The following NNMT variants were observed in gnomAD, a reference collection of about 807,000 sequenced individuals.
NNMT encodes the protein nicotinamide N-methyltransferase.
NNMT carries 10 observed loss-of-function variants against 11.7 expected under a neutral mutation model. That is an observed-to-expected ratio of 0.85 (90% CI 0.53 to 1.45). NNMT has a LOEUF of 1.45. Ranked by LOEUF, NNMT falls within the 40% of genes most tolerant of loss-of-function variation. The pLI is 0.00. For synonymous variants in NNMT, 143 were observed against 133.8 expected, an observed-to-expected ratio of 1.07 and a Z score of -0.48; for missense variants, 381 against 319.4, an observed-to-expected ratio of 1.19 and a Z score of -1.47.
chr11:114,259,154 T>G (rs897240719), intron 1 of NNMT, among the ~76,000 whole-genome samples: 1 of 152,166 alleles, frequency 6.6e-6, no homozygotes, highest in Non-Finnish European at 1.5e-5. Flanking sequence ...TGGCACATGA[T>G]AGGCACCCGG....
intron 2 of NNMT, among the ~76,000 whole-genome samples, chr11:114,264,694 C>T (rs972545623): frequency 2.6e-4 from 39 of 152,196 alleles, no homozygotes; most frequent in African/African-American, 8.4e-4. Flanking sequence ...TTGTTTGATC[C>T]GTGCTTCTGA....
At chr11:114,294,218 C>T (rs1945354508), upstream of NNMT, among the ~76,000 whole-genome samples, 1 of 152,092 alleles carries the variant, frequency 6.6e-6, no homozygotes, top group Non-Finnish European at 1.5e-5. Context: ...CGCAGTGGCT[C>T]ACGCCTGTAA....
chr11:114,258,550 A>G (rs1266124657), intron 1 of NNMT, among the ~76,000 whole-genome samples: 1 of 152,222 alleles, frequency 6.6e-6, no homozygotes, highest in Non-Finnish European at 1.5e-5. Flanking sequence ...GGATCTGAAG[A>G]TGACTGGCCT....
At chr11:114,258,997 G>A (rs1945052819) in intron 1 of NNMT, among the ~76,000 whole-genome samples, 1 of 152,152 alleles carries the variant, frequency 6.6e-6, no homozygotes, top group Admixed American at 6.5e-5. Flanking sequence ...GCCTTCCCTG[G>A]ACCCCTGAAG....
upstream of NNMT, chr11:114,296,375 A>G (rs1945377868): frequency 5.0e-6 from 3 of 605,732 alleles, no homozygotes; most frequent in Non-Finnish European, 2.8e-6. Flanking sequence ...AACAGCCAGA[A>G]CATTTGTGGT....
rs1285713350 is a variant in NNMT, at chr11:114,313,356, C to T, written c.*879C>T. ...ATTAGCTAGGTGTGGCGGCATATGC[C>T]TGTGGTCCCAGCTACTCAGGAGGCT... is the stretch of plus-strand genomic sequence containing the variant. On this transcript the variant is annotated 3_prime_UTR_variant, in exon 3 of 3. Transcript: ENST00000299964. 1 of 152,120 alleles carries T rather than the reference C, an allele frequency of 6.6e-6. No homozygotes were observed. Among genetic ancestry groups the T allele is most frequent in the Non-Finnish European group, 1.5e-5 (1 of 68,060 alleles). The allele number at this position is 152,120 out of a possible 1,614,324, so 9.4% of individuals were successfully genotyped here.
chr11:114,292,269 G>T (rs534541751), upstream of NNMT, among the ~76,000 whole-genome samples: 70 of 152,288 alleles, frequency 4.6e-4, no homozygotes, highest in South Asian at 0.014. Flanking sequence ...TTCAGGAAAA[G>T]GGTGTATCTT....
At chr11:114,296,967 A>G (rs751726841) in intron 1 of NNMT, among the ~76,000 whole-genome samples, 17 of 152,242 alleles carry the variant, frequency 1.1e-4, no homozygotes, top group Non-Finnish European at 1.8e-4. Context: ...TTGATTTGCT[A>G]GGCGACTTGA....
chr11:114,284,758 G>A (rs548884203), intron 2 of NNMT, among the ~76,000 whole-genome samples: 7 of 137,768 alleles, frequency 5.1e-5, no homozygotes, highest in East Asian at 2.1e-4. Flanking sequence ...CACTGCACCC[G>A]GCCATCTTTT....
At chr11:114,271,814 A>G (rs1051573821) in intron 2 of NNMT, among the ~76,000 whole-genome samples, 5 of 152,190 alleles carry the variant, frequency 3.3e-5, no homozygotes, top group African/African-American at 9.6e-5. Flanking sequence ...GGGGGTTCAC[A>G]GGAGATTTTG....
At chr11:114,261,467 C>T (rs1945080029) in intron 1 of NNMT, among the ~76,000 whole-genome samples, 1 of 152,116 alleles carries the variant, frequency 6.6e-6, no homozygotes, top group African/African-American at 2.4e-5. Flanking sequence ...GCCTGTAATC[C>T]CAGCTACTCG....
intron 2 of NNMT, among the ~76,000 whole-genome samples, chr11:114,267,287 A>G (rs1945129341): frequency 6.6e-6 from 1 of 152,146 alleles, no homozygotes; most frequent in Admixed American, 6.5e-5. Context: ...AAACAAATAA[A>G]TAAAAATCAA....
chr11:114,281,852 C>T (rs1341837133), intron 2 of NNMT, among the ~76,000 whole-genome samples: 1 of 152,126 alleles, frequency 6.6e-6, no homozygotes. Flanking sequence ...GGGAAATTAG[C>T]TTTCTGGCAG....
At chr11:114,301,681 T>A (rs948633684) in intron 2 of NNMT, among the ~76,000 whole-genome samples, 2 of 151,978 alleles carry the variant, frequency 1.3e-5, no homozygotes, top group African/African-American at 4.8e-5. Context: ...TACAGTACTA[T>A]AATGGTGGAC....
Position 114,296,492 on chromosome 11 carries a change from C to T in NNMT, c.-65C>T. The T allele has an allele frequency of 6.4e-7, 1 of 1,556,036 alleles. No homozygotes were observed. The highest frequency in any genetic ancestry group is 1.2e-5 in the South Asian group (1 of 85,582). ...CTCAGGAAGACAACTTCTGCAGGGTCACTCCCTGGCTTCTGGAGGAAAGAG... is the reference window on the plus strand; with the variant it reads ...CTCAGGAAGACAACTTCTGCAGGGTTACTCCCTGGCTTCTGGAGGAAAGAG... On this transcript the variant is annotated 5_prime_UTR_variant, in exon 1 of 3. Transcript: ENST00000299964.
intron 2 of NNMT, among the ~76,000 whole-genome samples, chr11:114,282,270 A>G (rs974629668): frequency 1.8e-4 from 27 of 152,198 alleles, no homozygotes; most frequent in African/African-American, 5.6e-4. Context: ...AAATACAAAA[A>G]CAATAAAAAA....
At chr11:114,275,428 C>A (rs1945206741) in intron 2 of NNMT, among the ~76,000 whole-genome samples, 1 of 152,162 alleles carries the variant, frequency 6.6e-6, no homozygotes, top group Admixed American at 6.5e-5. Context: ...AAGTCATGGA[C>A]CAGGCAGAGA....
chr11:114,296,027 T>C (rs979324155), upstream of NNMT: 2 of 153,124 alleles, frequency 1.3e-5, no homozygotes, highest in Admixed American at 1.3e-4. Flanking sequence ...TAGCCCTGAA[T>C]ACATTTCCTA....
rs143619391 is a variant in NNMT, at chr11:114,312,399, G to A, written c.717G>A (p.Ser239=). 5.0e-6 allele frequency: 8 copies of A among 1,614,104 alleles called. No homozygotes were observed. The highest frequency in any genetic ancestry group is 3.3e-5 in the Admixed American group (2 of 60,002). Residue 239 remains serine (S), a synonymous_variant, in exon 3 of 3, where the codon TCG becomes TCA. Coordinates refer to ENST00000299964, the MANE Select transcript of NNMT (RefSeq NM_006169.3). ...CAATCGAATGGTTTGAGGTGATCTCGCAAAGTTATTCTTCCACCATGGCCA... is the reference window on the plus strand; with the variant it reads ...CAATCGAATGGTTTGAGGTGATCTCACAAAGTTATTCTTCCACCATGGCCA... ...GYTIEWFEVI[S]QSYSSTMANN...
Sources: allele counts gnomAD v4.1 joint callset (sites outside exome capture counted in the v4.1 genomes callset), GRCh38; gene constraint gnomAD v4.1.1; transcripts MANE v1.5; gene names NCBI Gene and HGNC (gene_info 2026-07-23, HGNC 2026-07-21).